LRRC7: variants seen among roughly 807,000 people sequenced by gnomAD.
The protein encoded by LRRC7 is leucine-rich repeat-containing protein 7.
In LRRC7, 23 loss-of-function variants were observed where a neutral mutation model predicts 175.7. The observed-to-expected ratio is 0.13, with a 90% CI of 0.09 to 0.19. The LOEUF (loss-of-function observed/expected upper bound fraction) is 0.19. Among genes scored for constraint, LRRC7 ranks in the 10% least tolerant of loss-of-function variants. The probability of loss-of-function intolerance (pLI) is 1.00; values close to 1 mark genes in which losing one functional copy is unlikely to be tolerated. For missense variants in LRRC7, 1,354 were observed against 1,904.7 expected (o/e 0.71, Z 5.38); for synonymous variants, 685 against 680.9 (o/e 1.01, Z -0.09).
chr1:69,735,127 A>G (rs1026624310), intron 2 of LRRC7, among the ~76,000 whole-genome samples: 2 of 152,060 alleles, frequency 1.3e-5, no homozygotes, highest in East Asian at 1.9e-4. Context: ...AGTCTTTTCT[A>G]TAACCACCAT....
chr1:69,642,657 C>A (rs571546299), intron 1 of LRRC7, among the ~76,000 whole-genome samples: 21 of 152,002 alleles, frequency 1.4e-4, no homozygotes, highest in Non-Finnish European at 2.9e-5. Flanking sequence ...CTGATAAAAT[C>A]ATGCCAGTTA....
At chr1:69,836,129 C>A (rs763978727) in intron 6 of LRRC7, among the ~76,000 whole-genome samples, 1 of 151,982 alleles carries the variant, frequency 6.6e-6, no homozygotes, top group Admixed American at 6.6e-5. Flanking sequence ...GACTGAAGCT[C>A]GCACAGGACA....
Position 69,813,724 on chromosome 1 carries a change from G to C in LRRC7, c.422-12024G>C, listed in dbSNP as rs1374893671. On this transcript the variant is annotated intron_variant, in intron 4 of 26. Transcript: ENST00000651989. ...ATATAACCTAAATATAATAAGCTTG[G>C]GTCTCCAGGGAAATCAAAAGAAGTG... 5.3e-5 allele frequency among the ~76,000 whole-genome samples: 8 copies of C among 152,100 alleles called. No homozygotes were observed. The East Asian group carries it at 1.5e-3, about 29-fold the overall frequency.
rs188875615 is a variant in LRRC7, at chr1:69,678,832, A to G, written c.100+354A>G. 1.9e-3 allele frequency among the ~76,000 whole-genome samples: 284 copies of G among 152,304 alleles called. 1 individual carries two copies. Among genetic ancestry groups the G allele is most frequent in the Non-Finnish European group, 3.4e-3 (228 of 68,004 alleles). ...GTAAAGAAACTTTTGAAATGTATCT[A>G]AAGTCAACACTTTCCAGTTTCCATT... On this transcript the variant is annotated intron_variant, in intron 2 of 26. Coordinates refer to ENST00000651989, the MANE Select transcript of LRRC7 (RefSeq NM_001370785.2).
chr1:69,633,551 C>G (rs1263096063), intron 1 of LRRC7, among the ~76,000 whole-genome samples: 3 of 152,028 alleles, frequency 2.0e-5, no homozygotes, highest in African/African-American at 7.2e-5. Context: ...GCCTCAGCCT[C>G]CCAAGTAGGT....
rs572289501 is a variant in LRRC7, at chr1:69,648,686, C to G, written c.3-29695C>G. Among the ~76,000 whole-genome samples, 28 of 152,324 alleles carry G rather than the reference C, an allele frequency of 1.8e-4. No homozygotes were observed. In the South Asian group the frequency reaches 5.6e-3, roughly 30 times the overall value. On this transcript the variant is annotated intron_variant, in intron 1 of 26. Coordinates refer to ENST00000651989, the MANE Select transcript of LRRC7 (RefSeq NM_001370785.2). Reference sequence around the variant, plus strand: ...CCTGGGCTTCAGAAACATGCCTCTTCCTGTTTACATACATACTGGCTTCCA... The same window carrying G: ...CCTGGGCTTCAGAAACATGCCTCTTGCTGTTTACATACATACTGGCTTCCA...
rs1338176672 is a variant in LRRC7 at position 69,933,996 on chromosome 1, CTG to C, written c.711+2429_711+2430del. 2.0e-5 allele frequency among the ~76,000 whole-genome samples: 3 copies of C among 152,234 alleles called. No individual in the cohort carries two copies. In the East Asian group the frequency reaches 5.8e-4, roughly 29 times the overall value. ...GTGCTTAAGTATTTGAAGAGTATAA[CTG>C]TGGAACTTTACATTTCTGATGTTAC... On this transcript the variant is annotated intron_variant, in intron 8 of 26. Coordinates refer to ENST00000651989, the MANE Select transcript of LRRC7 (RefSeq NM_001370785.2).
intron 10 of LRRC7, among the ~76,000 whole-genome samples, chr1:69,988,508 G>A (rs1255117783): frequency 6.6e-6 from 1 of 152,152 alleles, no homozygotes; most frequent in Non-Finnish European, 1.5e-5. Context: ...ATATCTCCAG[G>A]CCTGATGGGC....
chr1:69,599,197 G>A (rs543503577), intron 1 of LRRC7, among the ~76,000 whole-genome samples: 1 of 152,092 alleles, frequency 6.6e-6, no homozygotes, highest in Admixed American at 6.5e-5. Flanking sequence ...GAAGTAGGAT[G>A]GAATATAGTT....
At chr1:69,941,658 A>G (rs182977339) in intron 8 of LRRC7, among the ~76,000 whole-genome samples, 5 of 152,186 alleles carry the variant, frequency 3.3e-5, no homozygotes, top group South Asian at 2.1e-4. Flanking sequence ...TCAGAATAAA[A>G]AAAAGAAACT....
intron 3 of LRRC7, among the ~76,000 whole-genome samples, chr1:69,773,784 A>G (rs576335601): frequency 2.0e-5 from 3 of 152,304 alleles, no homozygotes; most frequent in East Asian, 1.9e-4. Flanking sequence ...ACCCTGCCCA[A>G]TAGGTTTTGT....
At position 69,900,130 on chromosome 1, in the gene LRRC7, A is replaced by G. The variant is rs139967408; in HGVS notation, c.648-31377A>G. Among the ~76,000 whole-genome samples, 465 of 152,366 alleles carry G rather than the reference A, an allele frequency of 3.1e-3. 3 individuals are homozygous for G. Among genetic ancestry groups the G allele is most frequent in the African/African-American group, 0.01 (417 of 41,584 alleles). On this transcript the variant is annotated intron_variant, in intron 7 of 26. Coordinates refer to ENST00000651989, the MANE Select transcript of LRRC7 (RefSeq NM_001370785.2). ...AATTTGTAGGCTGTATAAAAAGAAC[A>G]GCGGACCAGATTTGGCCTGCAGGCT...
Position 70,039,045 on chromosome 1 carries a change from C to T in LRRC7, c.3221C>T (p.Pro1074Leu), listed in dbSNP as rs1659614454. ...KVYQFDQSFN[P>L]QGSVEVKAEK... ...TATCAGTTTGACCAAAGCTTCAATCCTCAAGGATCAGTGGAAGTGAAAGCC... is the reference window on the plus strand; with the variant it reads ...TATCAGTTTGACCAAAGCTTCAATCTTCAAGGATCAGTGGAAGTGAAAGCC... The change falls in exon 21 of 27, where the codon CCT (proline) becomes CTT (leucine). Residue 1074 changes from proline to leucine, a missense_variant. This residue lies in a region of LRRC7 where 1,032 missense variants were observed against 1,227.2 expected (regional missense o/e 0.84). Transcript: ENST00000651989. 6.2e-7 allele frequency: 1 copy of T among 1,613,938 alleles called. No homozygotes were observed. The highest frequency in any genetic ancestry group is 8.5e-7 in the Non-Finnish European group (1 of 1,180,002).
chr1:69,588,304 G>T (rs1472998907), intron 1 of LRRC7, among the ~76,000 whole-genome samples: 2 of 151,752 alleles, frequency 1.3e-5, no homozygotes, highest in Admixed American at 6.6e-5. Flanking sequence ...TGCATACCTA[G>T]CTCTTAACAT....
At chr1:69,939,901 G>T (rs1001848650) in intron 8 of LRRC7, among the ~76,000 whole-genome samples, 1 of 152,056 alleles carries the variant, frequency 6.6e-6, no homozygotes, top group Non-Finnish European at 1.5e-5. Context: ...TGTCTGAAAA[G>T]CAATCATTCC....
At chr1:69,675,325 T>C (rs1171781464) in intron 1 of LRRC7, among the ~76,000 whole-genome samples, 3 of 152,134 alleles carry the variant, frequency 2.0e-5, no homozygotes, top group Non-Finnish European at 4.4e-5. Flanking sequence ...TTTGAGTTTT[T>C]CTGACATACC....
rs573398078 is a variant in LRRC7, at chr1:69,970,197, C to A, written c.712-10182C>A. 8.5e-5 allele frequency among the ~76,000 whole-genome samples: 13 copies of A among 152,098 alleles called. No individual in the cohort carries two copies. The South Asian group carries it at 2.7e-3, about 32-fold the overall frequency. ...AAAAGTCTAAAAGAGCACAAACAGA[C>A]AATCTAAGGTAACATCTCAAGGAAC... On this transcript the variant is annotated intron_variant, in intron 8 of 26. Coordinates refer to ENST00000651989, the MANE Select transcript of LRRC7 (RefSeq NM_001370785.2).
chr1:69,629,055 T>G (rs1219841830), intron 1 of LRRC7, among the ~76,000 whole-genome samples: 1 of 151,968 alleles, frequency 6.6e-6, no homozygotes, highest in Non-Finnish European at 1.5e-5. Flanking sequence ...TGACCTTGGG[T>G]TTGGAAGTGC....
At chr1:70,016,824 C>T (rs1175051359) in intron 14 of LRRC7, among the ~76,000 whole-genome samples, 4 of 151,944 alleles carry the variant, frequency 2.6e-5, no homozygotes, top group Admixed American at 6.6e-5. Flanking sequence ...AGGTGGTACA[C>T]GTAGGTCCTT....
Sources: gnomAD v4.1 joint callset for allele counts (sites outside exome capture counted in the v4.1 genomes callset) on GRCh38, gnomAD v4.1.1 for gene constraint, gnomAD v4.1.1 regional missense constraint, MANE v1.5 for transcripts, NCBI Gene and HGNC (gene_info 2026-07-23, HGNC 2026-07-21) for gene names.